PTPRD: variants seen among roughly 807,000 people sequenced by gnomAD.
The protein encoded by PTPRD is receptor-type tyrosine-protein phosphatase delta.
In PTPRD, 34 loss-of-function variants were observed where a neutral mutation model predicts 214.5. The observed-to-expected ratio is 0.16, with a 90% CI of 0.12 to 0.21. PTPRD has a LOEUF of 0.21. Ranked by LOEUF, PTPRD falls within the 10% of genes least tolerant of loss-of-function variation. PTPRD has a pLI of 1.00. For missense variants in PTPRD, 2,545 were observed against 2,398.7 expected (o/e 1.06, Z -1.27); for synonymous variants, 1,128 against 845.7 (o/e 1.33, Z -5.79).
intron 14 of PTPRD, among the ~76,000 whole-genome samples, chr9:8,622,965 T>C (rs1449168538): frequency 2.6e-5 from 4 of 151,248 alleles, no homozygotes; most frequent in Admixed American, 2.0e-4. Flanking sequence ...TAGCAAGACC[T>C]ATTTTCTAAA....
At chr9:9,416,427 T>C (rs937539678) in intron 8 of PTPRD, among the ~76,000 whole-genome samples, 1 of 152,160 alleles carries the variant, frequency 6.6e-6, no homozygotes, top group Non-Finnish European at 1.5e-5. Context: ...GGTTTCCTCA[T>C]GGGGAGTTTA....
At chr9:8,548,676 ATTTTTTTTTTTTTTTT>A (rs71317369) in intron 14 of PTPRD, among the ~76,000 whole-genome samples, 21 of 41,116 alleles carry the variant, frequency 5.1e-4, no homozygotes, top group African/African-American at 1.0e-3. Flanking sequence ...CTGGAGCTGG[ATTTTTTTTTTTTTTTT>A]TTTTTTTTTT....
rs541245065 is a variant in PTPRD at position 9,431,380 on chromosome 9, C to A, written c.-236-33898G>T. Among the ~76,000 whole-genome samples, 5 of 152,052 alleles carry A rather than the reference C, an allele frequency of 3.3e-5. No individual in the cohort carries two copies. In the South Asian group the frequency reaches 1.0e-3, roughly 32 times the overall value. ...TACCATCTCACACCAGTTAGAATGG[C>A]GATCATTAAAAAGTCAGGAAACAAC... On this transcript the variant is annotated intron_variant, in intron 8 of 45. Transcript: ENST00000381196.
At chr9:9,842,297 C>CTTTTTTTTT (rs2058516617) in intron 5 of PTPRD, among the ~76,000 whole-genome samples, 1 of 76,896 alleles carries the variant, frequency 1.3e-5, no homozygotes, top group Non-Finnish European at 3.1e-5. Context: ...TGAAGGAGAG[C>CTTTTTTTTT]ATTTTTTTTT....
At chr9:9,233,899 G>A (rs1408725464) in intron 9 of PTPRD, among the ~76,000 whole-genome samples, 3 of 152,156 alleles carry the variant, frequency 2.0e-5, no homozygotes, top group Non-Finnish European at 4.4e-5. Context: ...TTATGGGCTG[G>A]CATTGAATGT....
At chr9:8,697,989 A>C (rs2097963441) in intron 12 of PTPRD, among the ~76,000 whole-genome samples, 1 of 152,194 alleles carries the variant, frequency 6.6e-6, no homozygotes, top group South Asian at 2.1e-4. Flanking sequence ...GAGGTCATGG[A>C]AAGTGTCATT....
At chr9:9,832,145 T>A (rs1234165654) in intron 5 of PTPRD, among the ~76,000 whole-genome samples, 1 of 152,002 alleles carries the variant, frequency 6.6e-6, no homozygotes, top group Non-Finnish European at 1.5e-5. Flanking sequence ...AAGCTGGTGT[T>A]GTGACATGTG....
chr9:9,433,073 A>T (rs1487945299), intron 8 of PTPRD, among the ~76,000 whole-genome samples: 1 of 152,186 alleles, frequency 6.6e-6, no homozygotes, highest in Non-Finnish European at 1.5e-5. Flanking sequence ...GGCACACAAA[A>T]GATAGGACAA....
chr9:8,375,318 C>T (rs1265516279), intron 39 of PTPRD, among the ~76,000 whole-genome samples: 1 of 151,850 alleles, frequency 6.6e-6, no homozygotes, highest in Non-Finnish European at 1.5e-5. Flanking sequence ...GCAAAAAATA[C>T]AAACTATACA....
chr9:9,914,762 G>A (rs558304885), intron 5 of PTPRD, among the ~76,000 whole-genome samples: 1 of 152,190 alleles, frequency 6.6e-6, no homozygotes, highest in Non-Finnish European at 1.5e-5. Context: ...AGCTGAGCCT[G>A]CTTGTGCTCA....
intron 4 of PTPRD, among the ~76,000 whole-genome samples, chr9:9,983,248 G>A (rs2095604695): frequency 6.6e-6 from 1 of 152,174 alleles, no homozygotes; most frequent in Admixed American, 6.5e-5. Context: ...AGTTCATGGT[G>A]GCAGTAGCAG....
chr9:9,007,703 CG>C (rs1245411999), intron 11 of PTPRD, among the ~76,000 whole-genome samples: 1 of 142,872 alleles, frequency 7.0e-6, no homozygotes, highest in Admixed American at 7.1e-5. Flanking sequence ...ACCCTTCTCC[CG>C]TGTTTGACCT....
At chr9:9,472,207 CT>C (rs869129816) in intron 8 of PTPRD, among the ~76,000 whole-genome samples, 1 of 44,268 alleles carries the variant, frequency 2.3e-5, no homozygotes, top group East Asian at 9.6e-4. Flanking sequence ...TTTTTTTTTT[CT>C]TTTTTTGAGA....
intron 5 of PTPRD, among the ~76,000 whole-genome samples, chr9:9,784,248 A>T (rs2098896916): frequency 6.6e-6 from 1 of 152,126 alleles, no homozygotes; most frequent in Non-Finnish European, 1.5e-5. Context: ...TATCTAAAAG[A>T]TATTCTTCCC....
chr9:8,570,593 T>C (rs1272965949), intron 14 of PTPRD, among the ~76,000 whole-genome samples: 1 of 152,162 alleles, frequency 6.6e-6, no homozygotes, highest in Non-Finnish European at 1.5e-5. Flanking sequence ...GACTGCCCGT[T>C]AGGCACATTC....
At chr9:10,343,978 G>GT (rs139613939) in intron 2 of PTPRD, among the ~76,000 whole-genome samples, 2,498 of 31,646 alleles carry the variant, frequency 0.079, 913 homozygotes, top group Non-Finnish European at 0.1. Flanking sequence ...TCTGATGGTA[G>GT]TTTTTTTTTT....
intron 12 of PTPRD, chr9:8,713,332 A>C (rs7857358): frequency 0.6 from 524,269 of 866,574 alleles, 161,573 homozygotes; most frequent in African/African-American, 0.79. Context: ...GGGCACACTA[A>C]GAGAGTACAA....
intron 3 of PTPRD, among the ~76,000 whole-genome samples, chr9:10,193,846 A>C (rs1336323834): frequency 6.6e-6 from 1 of 152,168 alleles, no homozygotes; most frequent in Non-Finnish European, 1.5e-5. Flanking sequence ...GCACTGACGA[A>C]GAAAAAATGC....
chr9:9,870,745 AAAT>A (rs2153711423), intron 5 of PTPRD, among the ~76,000 whole-genome samples: 1 of 152,192 alleles, frequency 6.6e-6, no homozygotes, highest in Non-Finnish European at 1.5e-5. Flanking sequence ...ATCTAATATT[AAAT>A]AATTTAGCCA....
Sources: gnomAD v4.1 joint callset for allele counts (sites outside exome capture counted in the v4.1 genomes callset) on GRCh38, gnomAD v4.1.1 for gene constraint, MANE v1.5 for transcripts, NCBI Gene and HGNC (gene_info 2026-07-23, HGNC 2026-07-21) for gene names.